ST8SIA6: variants seen among roughly 807,000 people sequenced by gnomAD.
ST8SIA6 encodes ST8 alpha-N-acetyl-neuraminide alpha-2,8-sialyltransferase 6.
Under a neutral mutation model 33.6 loss-of-function variants are expected in ST8SIA6, and 39 were observed. The ratio of observed to expected loss-of-function variants is 1.16; its 90% CI spans 0.90 to 1.52. The LOEUF (loss-of-function observed/expected upper bound fraction) is 1.52, where lower values mean the gene tolerates loss of function less well. ST8SIA6 is among the 40% of genes most tolerant of loss of function. The pLI, the probability that ST8SIA6 is intolerant of heterozygous loss-of-function variation, is 0.00. For missense variants in ST8SIA6, 441 were observed against 443.8 expected (o/e 0.99, Z 0.06); for synonymous variants, 172 against 167.2 (o/e 1.03, Z -0.22).
At chr10:17,393,663 G>A (rs1291128124) in intron 2 of ST8SIA6, among the ~76,000 whole-genome samples, 4 of 152,298 alleles carry the variant, frequency 2.6e-5, no homozygotes, top group South Asian at 4.1e-4. Context: ...AGGCAGAGAA[G>A]TGGACAGATT....
intron 3 of ST8SIA6, among the ~76,000 whole-genome samples, chr10:17,389,125 C>T (rs1055988312): frequency 1.4e-4 from 22 of 152,252 alleles, no homozygotes; most frequent in Middle Eastern, 3.4e-3. Flanking sequence ...CTCCCTGATT[C>T]GCTCCAGCCT....
At chr10:17,451,859 G>A (rs1371109699) in intron 2 of ST8SIA6, among the ~76,000 whole-genome samples, 1 of 151,970 alleles carries the variant, frequency 6.6e-6, no homozygotes, top group African/African-American at 2.4e-5. Flanking sequence ...AACACAGAAT[G>A]GTATAAATTT....
At chr10:17,340,169 G>A (rs1047516787) in intron 4 of ST8SIA6, among the ~76,000 whole-genome samples, 8 of 152,154 alleles carry the variant, frequency 5.3e-5, no homozygotes, top group African/African-American at 1.9e-4. Context: ...CCATCTTAAA[G>A]TTTAACTTCC....
intron 6 of ST8SIA6, 68 bp downstream of exon 6, chr10:17,326,946 T>C: frequency 3.1e-5 from 34 of 1,110,296 alleles, no homozygotes; most frequent in Non-Finnish European, 4.4e-5. Context: ...TGGATATCTT[T>C]ACACTATCCC....
Position 17,445,836 on chromosome 10 carries a change from C to T in ST8SIA6, c.200+7723G>A, listed in dbSNP as rs943212024. ...GGATACTGGGACAGCCTGGTGGACC[C>T]AGCCCTCCCAGGGTTATTAGATGAC... On this transcript the variant is annotated intron_variant, in intron 2 of 7. Coordinates refer to ENST00000377602, the MANE Select transcript of ST8SIA6 (RefSeq NM_001004470.3). 4.4e-4 allele frequency among the ~76,000 whole-genome samples: 67 copies of T among 152,116 alleles called. 1 individual carries two copies. Among genetic ancestry groups the T allele is most frequent in the African/African-American group, 1.5e-3 (63 of 41,402 alleles).
In ST8SIA6 at chr10:17,453,567, G is replaced by A; in HGVS notation, c.192C>T (p.Ala64=). The change falls in exon 2 of 8, where the codon GCC becomes GCT. Residue 64 remains alanine, a synonymous_variant. Transcript: ENST00000377602. ...GCTGGGCGCCGCTGTACCTGTTAGT[G>A]GCGCGCGGTACCGCGGTCGCCGGGC... ...LRSPATAVPR[A]TNSTYLNEKS... 1 of 1,328,756 alleles carries A rather than the reference G, an allele frequency of 7.5e-7. No individual in the cohort carries two copies. The allele number at this position is 1,328,756 out of a possible 1,614,324, so 82.3% of individuals were successfully genotyped here.
At chr10:17,348,902 C>T (rs1002917867) in intron 4 of ST8SIA6, among the ~76,000 whole-genome samples, 1 of 138,926 alleles carries the variant, frequency 7.2e-6, no homozygotes, top group Admixed American at 7.3e-5. Context: ...GCTAAGTAAT[C>T]GGGGCGGGGC....
At chr10:17,360,224 T>A (rs1333084753) in intron 3 of ST8SIA6, among the ~76,000 whole-genome samples, 5 of 152,142 alleles carry the variant, frequency 3.3e-5, no homozygotes, top group Admixed American at 1.3e-4. Context: ...AGAATATCCT[T>A]TAGTCTTTGC....
chr10:17,380,215 T>C (rs1217020358), intron 3 of ST8SIA6, among the ~76,000 whole-genome samples: 1 of 152,220 alleles, frequency 6.6e-6, no homozygotes, highest in Non-Finnish European at 1.5e-5. Context: ...TTGTTTTGTT[T>C]GTTTTTTTCC....
intron 2 of ST8SIA6, among the ~76,000 whole-genome samples, chr10:17,427,058 C>T (rs977467801): frequency 6.7e-5 from 10 of 149,150 alleles, no homozygotes; most frequent in African/African-American, 2.5e-4. Context: ...GAGCTGAGAT[C>T]GCACCACTGC....
intron 2 of ST8SIA6, among the ~76,000 whole-genome samples, chr10:17,405,357 C>G (rs953833023): frequency 6.6e-6 from 1 of 150,786 alleles, no homozygotes; most frequent in African/African-American, 2.4e-5. Flanking sequence ...ACAGTGAGAC[C>G]CTGTCTAAAA....
At chr10:17,415,803 CTTTTTT>C (rs968920842) in intron 2 of ST8SIA6, among the ~76,000 whole-genome samples, 2 of 92,232 alleles carry the variant, frequency 2.2e-5, no homozygotes, top group African/African-American at 4.8e-5. Flanking sequence ...CCTCACTTGT[CTTTTTT>C]TTTTTTTTTT....
chr10:17,371,820 T>C (rs1183598192), intron 3 of ST8SIA6, among the ~76,000 whole-genome samples: 3 of 122,518 alleles, frequency 2.4e-5, no homozygotes, highest in African/African-American at 8.9e-5. Flanking sequence ...AAGTAAAAAA[T>C]GAGAAGGGAA....
chr10:17,330,159 T>A (rs569825969), intron 5 of ST8SIA6, among the ~76,000 whole-genome samples: 2 of 152,290 alleles, frequency 1.3e-5, no homozygotes, highest in South Asian at 4.1e-4. Context: ...AAAATCAGTA[T>A]AAATTTGGAA....
At chr10:17,415,953 G>C (rs1444818292) in intron 2 of ST8SIA6, among the ~76,000 whole-genome samples, 1 of 151,532 alleles carries the variant, frequency 6.6e-6, no homozygotes, top group Non-Finnish European at 1.5e-5. Flanking sequence ...GGGATTACAG[G>C]TGCGCCACCG....
In ST8SIA6 at chr10:17,370,499, A is replaced by G. The variant is rs183277361; in HGVS notation, c.291-10899T>C. Among the ~76,000 whole-genome samples the G allele has an allele frequency of 1.0e-3, 155 of 152,252 alleles. 1 individual carries two copies. Among genetic ancestry groups the G allele is most frequent in the Admixed American group, 2.6e-3 (40 of 15,298 alleles). On this transcript the variant is annotated intron_variant, in intron 3 of 7. Transcript: ENST00000377602. Reference sequence around the variant, plus strand: ...TCTTTTATAATTTTAACTATTTTCAATGTGGTTGCTCTAAGGTTTACCATA... The same window carrying G: ...TCTTTTATAATTTTAACTATTTTCAGTGTGGTTGCTCTAAGGTTTACCATA...
At chr10:17,378,449 T>C (rs1849993732) in intron 3 of ST8SIA6, among the ~76,000 whole-genome samples, 1 of 152,214 alleles carries the variant, frequency 6.6e-6, no homozygotes, top group Non-Finnish European at 1.5e-5. Flanking sequence ...TGTCAAGGAA[T>C]ATAGCCAGCT....
rs571950131 is a variant in ST8SIA6, at chr10:17,358,743, G to A, written c.377+771C>T. ...AAAGAAGAAGAGGAAGAGGAAAAAG[G>A]AGGAGGAGGAGGAAAGAAGAAGAGA... On this transcript the variant is annotated intron_variant, in intron 4 of 7. Transcript: ENST00000377602. Among the ~76,000 whole-genome samples, 395 of 129,842 alleles carry A rather than the reference G, an allele frequency of 3.0e-3. 3 individuals carry two copies. The highest frequency in any genetic ancestry group is 4.0e-3 in the Non-Finnish European group (249 of 61,544). The allele number at this position is 129,842 out of a possible 152,430, so 85.2% of individuals were successfully genotyped here.
chr10:17,412,626 G>A (rs1851488309), intron 2 of ST8SIA6, among the ~76,000 whole-genome samples: 3 of 152,136 alleles, frequency 2.0e-5, no homozygotes, highest in Non-Finnish European at 4.4e-5. Flanking sequence ...TCCTTTTTAG[G>A]ACTAAACCTG....
Sources: gnomAD v4.1 joint callset for allele counts (sites outside exome capture counted in the v4.1 genomes callset) on GRCh38, gnomAD v4.1.1 for gene constraint, MANE v1.5 for transcripts, NCBI Gene and HGNC (gene_info 2026-07-23, HGNC 2026-07-21) for gene names.